Variants in VCAN observed in about 807,000 individuals in gnomAD.
VCAN encodes versican core protein.
In VCAN, 44 loss-of-function variants were observed where a neutral mutation model predicts 245.5. The ratio of observed to expected loss-of-function variants is 0.18; its 90% CI spans 0.14 to 0.23. The LOEUF is 0.23. Ranked by LOEUF, VCAN falls within the 10% of genes least tolerant of loss-of-function variation. The pLI, the probability that VCAN is intolerant of heterozygous loss-of-function variation, is 1.00. For synonymous variants in VCAN, 1,413 were observed against 1,437.0 expected (o/e 0.98, Z 0.38); for missense variants, 3,793 against 4,057.9 (o/e 0.93, Z 1.77).
intron 7 of VCAN, among the ~76,000 whole-genome samples, chr5:83,523,441 A>G (rs1381517281): frequency 6.8e-6 from 1 of 147,484 alleles, no homozygotes; most frequent in African/African-American, 2.5e-5. Flanking sequence ...GTTCTCTCTT[A>G]CTGTTGGAAT....
chr5:83,560,087 A>T (rs1747811634), intron 12 of VCAN, among the ~76,000 whole-genome samples: 1 of 152,144 alleles, frequency 6.6e-6, no homozygotes, highest in Non-Finnish European at 1.5e-5. Context: ...CCCAAAGGAA[A>T]ACAAGTGTTT....
At chr5:83,573,693 A>T (rs1748374349) in intron 13 of VCAN, among the ~76,000 whole-genome samples, 1 of 152,178 alleles carries the variant, frequency 6.6e-6, no homozygotes, top group Non-Finnish European at 1.5e-5. Flanking sequence ...AAGCATAAGC[A>T]CTCAGGTATA....
intron 8 of VCAN, 55 bp downstream of exon 8, chr5:83,542,323 G>A (rs1747038602): frequency 1.3e-6 from 2 of 1,552,190 alleles, no homozygotes; most frequent in East Asian, 4.5e-5. Context: ...GTCCCTTGGT[G>A]CTAACGTTTA....
chr5:83,571,858 C>T (rs997359714), intron 12 of VCAN, among the ~76,000 whole-genome samples: 1 of 152,016 alleles, frequency 6.6e-6, no homozygotes, highest in African/African-American at 2.4e-5. Context: ...CAGATAAATA[C>T]AAAAGATAAA....
chr5:83,511,573 T>A (rs73146700), intron 5 of VCAN, among the ~76,000 whole-genome samples: 37,283 of 151,040 alleles, frequency 0.25, 4,881 homozygotes, highest in East Asian at 0.51. Flanking sequence ...TTTTCTTATT[T>A]TTTTTTTTTT....
chr5:83,569,678 T>C (rs974794270), intron 12 of VCAN, among the ~76,000 whole-genome samples: 3 of 152,138 alleles, frequency 2.0e-5, no homozygotes, highest in Admixed American at 1.3e-4. Context: ...TATTAGGATG[T>C]TGGAAAATTT....
At chr5:83,504,500 A>G (rs1745425591) in intron 5 of VCAN, among the ~76,000 whole-genome samples, 1 of 151,426 alleles carries the variant, frequency 6.6e-6, no homozygotes, top group Non-Finnish European at 1.5e-5. Flanking sequence ...CTCCTGCCTC[A>G]GATCCCCAGT....
chr5:83,542,404 G>A, intron 8 of VCAN, 136 bp downstream of exon 8: 1 of 954,250 alleles, frequency 1.0e-6, no homozygotes, highest in South Asian at 1.4e-5. Flanking sequence ...CAGCAGGCCA[G>A]GCCACAGTAT....
intron 2 of VCAN, among the ~76,000 whole-genome samples, chr5:83,489,887 T>A (rs192364692): frequency 1.3e-5 from 2 of 152,216 alleles, no homozygotes; most frequent in African/African-American, 4.8e-5. Context: ...ATGCCACATT[T>A]CTATATAAAG....
At chr5:83,485,192 C>A (rs1289466777) in intron 2 of VCAN, among the ~76,000 whole-genome samples, 1 of 152,172 alleles carries the variant, frequency 6.6e-6, no homozygotes, top group South Asian at 2.1e-4. Context: ...AGAAGCAAAG[C>A]TTGGAGATGA....
chr5:83,541,594 C>A lies in VCAN; in HGVS notation c.8591C>A (p.Ser2864Tyr). Residue 2864 changes from serine to tyrosine, a missense_variant, in exon 8 of 15, where the codon TCT (serine) becomes TAT (tyrosine). Coordinates refer to ENST00000265077, the MANE Select transcript of VCAN (RefSeq NM_004385.5). ...VGSSVMSPQD[S>Y]FKEIHVNIEA... ...TCATCTGTAATGTCCCCACAGGATT[C>A]TTTTAAGGAAATTCATGTAAATATT... is the stretch of plus-strand genomic sequence containing the variant. 2 of 1,613,842 alleles carry A rather than the reference C, an allele frequency of 1.2e-6. No homozygotes were observed. The highest frequency in any genetic ancestry group is 1.7e-6 in the Non-Finnish European group (2 of 1,179,986).
intron 5 of VCAN, among the ~76,000 whole-genome samples, chr5:83,509,118 A>T (rs1226335823): frequency 1.3e-5 from 2 of 152,202 alleles, no homozygotes; most frequent in African/African-American, 2.4e-5. Flanking sequence ...GGAAAGAAAG[A>T]AAGAAAGAAA....
chr5:83,485,206 A>G (rs952235038), intron 2 of VCAN, among the ~76,000 whole-genome samples: 1 of 152,144 alleles, frequency 6.6e-6, no homozygotes, highest in Non-Finnish European at 1.5e-5. Flanking sequence ...GAGATGAACC[A>G]ATTCATAGGA....
intron 7 of VCAN, chr5:83,535,654 A>C (rs536106837): frequency 6.6e-6 from 1 of 152,110 alleles, no homozygotes. Flanking sequence ...TCTTCTATAC[A>C]TAGAAGGAAA....
In VCAN at chr5:83,522,133, A is replaced by G. The variant is rs1380157806; in HGVS notation, c.3827A>G (p.Asp1276Gly). ...IVAKETETDI[D>G]REYFTTSSPP... Reference sequence around the variant, plus strand: ...GCCAAGGAAACAGAAACCGATATTGATAGAGAGTATTTCACGACTTCAAGT... The same window carrying G: ...GCCAAGGAAACAGAAACCGATATTGGTAGAGAGTATTTCACGACTTCAAGT... The change falls in exon 7 of 15, where the codon GAT (aspartate) becomes GGT (glycine). Residue 1276 changes from aspartate (D) to glycine (G), a missense_variant. By Grantham distance (94) the Asp-to-Gly change is moderately conservative. Transcript: ENST00000265077. 1 of 1,613,566 alleles carries G rather than the reference A, an allele frequency of 6.2e-7. No homozygotes were observed.
rs753715965 is a variant in VCAN at position 83,539,777 on chromosome 5, A to G, written c.6774A>G (p.Ser2258=). The change falls in exon 8 of 15, where the codon TCA becomes TCG. Residue 2258 remains serine (S), a synonymous_variant. Coordinates refer to ENST00000265077, the MANE Select transcript of VCAN (RefSeq NM_004385.5). ...AGCTCTTATTCTCTGGACTGGGATC[A>G]GGAGAAGAAGTTTTACCTACTCTAC... ...DTELLFSGLG[S]GEEVLPTLPT... 5.6e-6 allele frequency: 9 copies of G among 1,613,918 alleles called. No homozygotes were observed. Among genetic ancestry groups the G allele is most frequent in the Middle Eastern group, 1.6e-4 (1 of 6,084 alleles).
intron 2 of VCAN, among the ~76,000 whole-genome samples, chr5:83,487,503 G>A (rs1028050970): frequency 2.0e-5 from 3 of 152,120 alleles, no homozygotes; most frequent in Non-Finnish European, 2.9e-5. Flanking sequence ...TGCATACTCT[G>A]TAAACATTAT....
chr5:83,554,357 G>A (rs796351330), intron 11 of VCAN, among the ~76,000 whole-genome samples: 8 of 152,270 alleles, frequency 5.3e-5, no homozygotes, highest in African/African-American at 1.2e-4. Flanking sequence ...GCCTACTATC[G>A]TTTAGAAGTT....
intron 7 of VCAN, among the ~76,000 whole-genome samples, chr5:83,528,584 G>GC (rs1238011975): frequency 6.6e-6 from 1 of 152,080 alleles, no homozygotes; most frequent in Admixed American, 6.6e-5. Flanking sequence ...CTGAGCTTCA[G>GC]TGATTCACAC....
Sources: allele counts gnomAD v4.1 joint callset (sites outside exome capture counted in the v4.1 genomes callset), GRCh38; gene constraint gnomAD v4.1.1; transcripts MANE v1.5; gene names NCBI Gene and HGNC (gene_info 2026-07-23, HGNC 2026-07-21).